The following MS4A7 variants were observed in gnomAD, a reference collection of about 807,000 sequenced individuals.
MS4A7 encodes membrane-spanning 4-domains subfamily A member 7.
In MS4A7, 21 loss-of-function variants were observed where a neutral mutation model predicts 23.5. The ratio of observed to expected loss-of-function variants is 0.89; its 90% CI spans 0.63 to 1.29. The LOEUF (loss-of-function observed/expected upper bound fraction) is 1.29, where lower values mean the gene tolerates loss of function less well. MS4A7 is among the 50% of genes most tolerant of loss of function. The probability of loss-of-function intolerance (pLI) is 0.00; values close to 1 mark genes in which losing one functional copy is unlikely to be tolerated. For synonymous variants in MS4A7, 111 were observed against 107.4 expected (o/e 1.03, Z -0.21); for missense variants, 263 against 274.2 (o/e 0.96, Z 0.29).
chr11:60,387,183 G>A (rs1310646877), intron 4 of MS4A7, among the ~76,000 whole-genome samples: 1 of 152,158 alleles, frequency 6.6e-6, no homozygotes. Flanking sequence ...GATGCCAAAT[G>A]TCCCCATTCA....
rs79863647 is a variant in MS4A7, at chr11:60,391,512, G to A, written c.547-1173G>A. 5.3e-3 allele frequency among the ~76,000 whole-genome samples: 804 copies of A among 152,180 alleles called. 6 individuals carry two copies. The highest frequency in any genetic ancestry group is 0.022 in the South Asian group (104 of 4,822). ...ACAACAGCACAAAAAAATGAGTAGC[G>A]GCAGCAAATGGGGAAACATGAAAGT... On this transcript the variant is annotated intron_variant, in intron 5 of 6. Coordinates refer to ENST00000300184, the MANE Select transcript of MS4A7 (RefSeq NM_021201.5).
intron 2 of MS4A7, 43 bp downstream of exon 2, chr11:60,383,331 T>A (rs1234311992): frequency 6.2e-7 from 1 of 1,606,812 alleles, no homozygotes; most frequent in South Asian, 1.1e-5. Context: ...GAAAATACTT[T>A]GTAAATGTAT....
chr11:60,390,727 T>G (rs2085541747), intron 5 of MS4A7, among the ~76,000 whole-genome samples: 1 of 152,172 alleles, frequency 6.6e-6, no homozygotes, highest in Non-Finnish European at 1.5e-5. Flanking sequence ...CTTCCCATTC[T>G]GAGACAACTG....
At chr11:60,390,431 AAGGTAGT>A (rs533043696) in intron 5 of MS4A7, among the ~76,000 whole-genome samples, 3 of 152,208 alleles carry the variant, frequency 2.0e-5, no homozygotes, top group Non-Finnish European at 4.4e-5. Context: ...CAGGGAACCC[AAGGTAGT>A]ATCTCTCATT....
chr11:60,386,975 C>T lies in MS4A7; in HGVS notation c.339+202C>T, dbSNP rs117380982. Among the ~76,000 whole-genome samples the T allele has an allele frequency of 3.1e-3, 471 of 152,274 alleles. 10 individuals are homozygous for T. In the East Asian group the frequency reaches 0.043, roughly 14 times the overall value. On this transcript the variant is annotated intron_variant, in intron 4 of 6. Coordinates refer to ENST00000300184, the MANE Select transcript of MS4A7 (RefSeq NM_021201.5). ...CTTGCCTTCTAGACCAGTGCTCTTT[C>T]GTCTACACAATGTTGCTCCTGGATT...
At position 60,383,289 on chromosome 11, in the gene MS4A7, G is replaced by T. The variant is rs749930143; in HGVS notation, c.147+1G>T. ...GCCAACAGAAACCACCGTTCTTGGG[G>T]TAAGTCCACCTCATTATAAGGGGAA... On this transcript the variant is annotated splice_donor_variant, in intron 2 of 6. Transcript: ENST00000300184. LOFTEE classifies it high-confidence loss of function. 2 of 1,613,998 alleles carry T rather than the reference G, an allele frequency of 1.2e-6. No homozygotes were observed. The highest frequency in any genetic ancestry group is 8.5e-7 in the Non-Finnish European group (1 of 1,179,922).
chr11:60,381,250 G>A (rs1475747939), intron 1 of MS4A7, among the ~76,000 whole-genome samples: 1 of 152,182 alleles, frequency 6.6e-6, no homozygotes, highest in Non-Finnish European at 1.5e-5. Flanking sequence ...CAGGGATTCA[G>A]CTTCAACATT....
intron 4 of MS4A7, chr11:60,389,148 CT>C: frequency 2.0e-6 from 1 of 491,344 alleles, no homozygotes. Flanking sequence ...GCCAGAACCC[CT>C]CTCCCTAAGG....
intron 2 of MS4A7, among the ~76,000 whole-genome samples, chr11:60,384,744 C>A (rs2085465984): frequency 6.6e-6 from 1 of 152,140 alleles, no homozygotes; most frequent in African/African-American, 2.4e-5. Context: ...CATTAACACT[C>A]CTGTGAAAAG....
chr11:60,383,428 T>G, intron 2 of MS4A7, 140 bp downstream of exon 2: 1 of 922,430 alleles, frequency 1.1e-6, no homozygotes, highest in Non-Finnish European at 1.6e-6. Context: ...AAATGGAGCT[T>G]TAAGGGAAGA....
intron 6 of MS4A7, 45 bp downstream of exon 6, chr11:60,392,831 C>T: frequency 7.3e-7 from 1 of 1,371,432 alleles, no homozygotes; most frequent in Non-Finnish European, 1.0e-6. Flanking sequence ...TGTCTCAGGT[C>T]CAGGCTACAA....
chr11:60,384,449 A>G (rs1022093342), intron 2 of MS4A7, among the ~76,000 whole-genome samples: 4 of 152,176 alleles, frequency 2.6e-5, no homozygotes, highest in Non-Finnish European at 5.9e-5. Context: ...CATTTGCTTC[A>G]TTCCCTCGTG....
chr11:60,393,655 C>A, intron 6 of MS4A7, 132 bp from the exon 7 acceptor site: 1 of 502,290 alleles, frequency 2.0e-6, no homozygotes, highest in South Asian at 3.7e-5. Flanking sequence ...ATTAATATTG[C>A]TGCAATTACA....
rs749930143 is a variant in MS4A7 at position 60,383,289 on chromosome 11, G to A, written c.147+1G>A. The A allele has an allele frequency of 6.8e-6, 11 of 1,613,998 alleles. No individual in the cohort carries two copies. The highest frequency in any genetic ancestry group is 7.6e-6 in the Non-Finnish European group (9 of 1,179,922). ...GCCAACAGAAACCACCGTTCTTGGG[G>A]TAAGTCCACCTCATTATAAGGGGAA... On this transcript the variant is annotated splice_donor_variant, in intron 2 of 6. Transcript: ENST00000300184. LOFTEE classifies it high-confidence loss of function.
At chr11:60,393,055 A>T (rs143433049) in intron 6 of MS4A7, among the ~76,000 whole-genome samples, 2 of 151,930 alleles carry the variant, frequency 1.3e-5, no homozygotes, top group African/African-American at 4.8e-5. Context: ...CAGGAAGTGG[A>T]GGTTGCAGTG....
At chr11:60,379,144 C>T (rs1431474820) in intron 1 of MS4A7, among the ~76,000 whole-genome samples, 1 of 152,236 alleles carries the variant, frequency 6.6e-6, no homozygotes, top group East Asian at 1.9e-4. Flanking sequence ...TCCTCTCAGA[C>T]TGTGGTGTTT....
rs563255701 is a variant in MS4A7, at chr11:60,392,125, A to T, written c.547-560A>T. On this transcript the variant is annotated intron_variant, in intron 5 of 6. Transcript: ENST00000300184. The stretch of plus-strand genomic sequence containing the variant: ...AAGAGTGAAATGGAATTTAGATTTG[A>T]TTAAATCACACAGAACACAACACAT... 2.0e-5 allele frequency among the ~76,000 whole-genome samples: 3 copies of T among 152,314 alleles called. 1 individual carries two copies. In the South Asian group the frequency reaches 6.2e-4, roughly 32 times the overall value.
At chr11:60,389,163 A>C (rs2085521896) in intron 4 of MS4A7, 1 of 530,176 alleles carries the variant, frequency 1.9e-6, no homozygotes, top group East Asian at 3.2e-5. Context: ...CCTAAGGAGG[A>C]ATTATCCATG....
intron 1 of MS4A7, 35 bp from the exon 2 acceptor site, chr11:60,383,094 C>G: frequency 6.2e-7 from 1 of 1,604,604 alleles, no homozygotes; most frequent in Non-Finnish European, 8.5e-7. Context: ...TAAGTCAAAC[C>G]TTGGGAAGTA....
Sources: allele counts gnomAD v4.1 joint callset (sites outside exome capture counted in the v4.1 genomes callset), GRCh38; gene constraint gnomAD v4.1.1; transcripts MANE v1.5; gene names NCBI Gene and HGNC (gene_info 2026-07-23, HGNC 2026-07-21).